The following CLPX variants were observed in gnomAD, a reference collection of about 807,000 sequenced individuals.
CLPX encodes the protein caseinolytic mitochondrial matrix peptidase chaperone subunit X, also known as ATP-dependent clpX-like chaperone, mitochondrial.
Under a neutral mutation model 76.4 loss-of-function variants are expected in CLPX, and 34 were observed. The observed-to-expected ratio is 0.45, with a 90% CI of 0.34 to 0.59. The LOEUF (loss-of-function observed/expected upper bound fraction) is 0.59, where lower values mean the gene tolerates loss of function less well. Ranked by LOEUF, CLPX falls within the 20% of genes least tolerant of loss-of-function variation. The pLI is 0.01. For missense variants in CLPX, 613 were observed against 757.0 expected, an observed-to-expected ratio of 0.81 and a Z score of 2.23; for synonymous variants, 248 against 270.9, an observed-to-expected ratio of 0.92 and a Z score of 0.83.
rs750013219 is a variant in CLPX, at chr15:65,157,930, C to T, written c.893-20G>A. ...TTTTACCTACAAATAGAAACAGTCACTAAAAGTTTACTGAAAATATATTGG... is the reference window on the plus strand; with the variant it reads ...TTTTACCTACAAATAGAAACAGTCATTAAAAGTTTACTGAAAATATATTGG... On this transcript the variant is annotated intron_variant, in intron 7 of 13. Transcript: ENST00000300107. 1 of 1,542,716 alleles carries T rather than the reference C, an allele frequency of 6.5e-7. No individual in the cohort carries two copies. The highest frequency in any genetic ancestry group is 8.7e-7 in the Non-Finnish European group (1 of 1,146,642).
At position 65,149,177 on chromosome 15, in the gene CLPX, A is replaced by C. The variant is rs2087687450; in HGVS notation, c.*1646T>G. The C allele has an allele frequency of 1.3e-5, 2 of 153,712 alleles. No individual in the cohort carries two copies. The highest frequency in any genetic ancestry group is 1.3e-4 in the Admixed American group (2 of 15,524). 9.5% of individuals were successfully genotyped at this position (153,712 alleles called of 1,614,324 possible). On this transcript the variant is annotated 3_prime_UTR_variant, in exon 14 of 14. Coordinates refer to ENST00000300107, the MANE Select transcript of CLPX (RefSeq NM_006660.5). ...GACTGATACTGCATGCTATTTCTAG[A>C]ATTAGATATGTATCTTTCTGGCTGG...
At chr15:65,181,753 T>G (rs200328052) in intron 1 of CLPX, among the ~76,000 whole-genome samples, 1 of 5,070 alleles carries the variant, frequency 2.0e-4, no homozygotes, top group Non-Finnish European at 4.3e-4. Context: ...TGTCGCAAAA[T>G]AAATAAATAA....
At position 65,166,724 on chromosome 15, in the gene CLPX, T is replaced by G. The variant is rs375349202; in HGVS notation, c.420A>C (p.Ala140=). The change falls in exon 4 of 14, where the codon GCA becomes GCC. Residue 140 remains alanine (A), a synonymous_variant. Coordinates refer to ENST00000300107, the MANE Select transcript of CLPX (RefSeq NM_006660.5). ...CHHFFVVLSE[A]DSKKSIIKEP... is the part of the protein sequence containing the mutation. Reference sequence around the variant, plus strand: ...CTTTAATTATGCTTTTCTTTGAGTCTGCTTCAGATAGCACAACAAAAAAAT... The same window carrying G: ...CTTTAATTATGCTTTTCTTTGAGTCGGCTTCAGATAGCACAACAAAAAAAT... The G allele has an allele frequency of 6.2e-7, 1 of 1,614,118 alleles. No homozygotes were observed. Among genetic ancestry groups the G allele is most frequent in the Non-Finnish European group, 8.5e-7 (1 of 1,179,982 alleles).
chr15:65,167,742 G>A (rs1026512151), intron 3 of CLPX, among the ~76,000 whole-genome samples: 2 of 151,108 alleles, frequency 1.3e-5, no homozygotes, highest in Non-Finnish European at 2.9e-5. Context: ...ACAAAAATTA[G>A]CTGGGCGTGG....
At chr15:65,172,494 A>C (rs1187479022) in intron 3 of CLPX, among the ~76,000 whole-genome samples, 7 of 151,992 alleles carry the variant, frequency 4.6e-5, no homozygotes, top group Admixed American at 4.6e-4. Flanking sequence ...TTAGCCGGGC[A>C]TGTTGGCAGG....
intron 1 of CLPX, among the ~76,000 whole-genome samples, chr15:65,182,617 A>G (rs2140654826): frequency 6.6e-6 from 1 of 152,358 alleles, no homozygotes; most frequent in South Asian, 2.1e-4. Context: ...TTCATAGGCC[A>G]AGGAAACGTT....
chr15:65,155,614 G>T, intron 10 of CLPX, 78 bp downstream of exon 10: 2 of 1,188,622 alleles, frequency 1.7e-6, no homozygotes, highest in Non-Finnish European at 2.4e-6. Flanking sequence ...CTGGTAGCCC[G>T]CAGATATGAG....
At chr15:65,171,661 G>A (rs1487439004) in intron 3 of CLPX, among the ~76,000 whole-genome samples, 1 of 152,202 alleles carries the variant, frequency 6.6e-6, no homozygotes, top group East Asian at 1.9e-4. Flanking sequence ...TGAGGCACTA[G>A]TTTACAATTG....
At chr15:65,163,957 G>C (rs2087880477) in intron 5 of CLPX, 72 bp downstream of exon 5, 13 of 1,343,152 alleles carry the variant, frequency 9.7e-6, no homozygotes, top group Admixed American at 1.9e-5. Flanking sequence ...TAAGAAGAAA[G>C]TGAGGAGTTA....
At chr15:65,158,544 G>C in intron 7 of CLPX, 31 bp downstream of exon 7, 1 of 1,548,510 alleles carries the variant, frequency 6.5e-7, no homozygotes. Flanking sequence ...TTTTTAAAAT[G>C]AGTAGTAAAT....
chr15:65,151,856 G>A (rs1401493019), intron 13 of CLPX, among the ~76,000 whole-genome samples: 1 of 152,146 alleles, frequency 6.6e-6, no homozygotes, highest in Admixed American at 6.6e-5. Context: ...GTCAAGCATT[G>A]CATAGTAAAC....
intron 6 of CLPX, among the ~76,000 whole-genome samples, chr15:65,160,011 C>T (rs1048479248): frequency 6.6e-6 from 1 of 152,014 alleles, no homozygotes; most frequent in African/African-American, 2.4e-5. Context: ...CGGGGTTTTG[C>T]CATGTTGCCC....
intron 3 of CLPX, among the ~76,000 whole-genome samples, chr15:65,169,386 C>G (rs1386218620): frequency 6.6e-6 from 1 of 152,086 alleles, no homozygotes; most frequent in Non-Finnish European, 1.5e-5. Flanking sequence ...ACAGGCGTGA[C>G]CCACTGAGGC....
intron 11 of CLPX, 52 bp from the exon 12 acceptor site, chr15:65,153,691 C>A: frequency 2.7e-6 from 3 of 1,093,356 alleles, no homozygotes; most frequent in East Asian, 2.8e-5. Context: ...TTTGTACCAC[C>A]AGAAAATGTA....
chr15:65,176,040 T>G (rs940528055), intron 3 of CLPX, among the ~76,000 whole-genome samples: 2 of 152,216 alleles, frequency 1.3e-5, no homozygotes, highest in Admixed American at 1.3e-4. Flanking sequence ...TTTTTCATTC[T>G]TTCCTTCTAC....
intron 12 of CLPX, 118 bp downstream of exon 12, chr15:65,153,429 A>AT: frequency 1.4e-6 from 1 of 690,218 alleles, no homozygotes; most frequent in Non-Finnish European, 2.5e-6. Flanking sequence ...GCACTCCTTT[A>AT]TTTGAGACTC....
chr15:65,171,096 C>T (rs1467809833), intron 3 of CLPX, among the ~76,000 whole-genome samples: 1 of 151,904 alleles, frequency 6.6e-6, no homozygotes, highest in Non-Finnish European at 1.5e-5. Flanking sequence ...GCTGGGATTA[C>T]AGGCATGAGC....
In CLPX at chr15:65,157,857, T is replaced by C. The variant is rs745930831; in HGVS notation, c.946A>G (p.Ile316Val). 3.2e-5 allele frequency: 52 copies of C among 1,613,372 alleles called. 1 individual carries two copies. In the Admixed American group the frequency reaches 8.7e-4, roughly 27 times the overall value. The part of the protein sequence containing the change: ...LAKCLDVPFA[I>V]CDCTTLTQAG... ...TGAGTCAAAGTTGTACAGTCACAGA[T>C]AGCAAAAGGGACATCAAGGCATTTA... Residue 316 changes from isoleucine to valine, a missense_variant, in exon 8 of 14, where the codon ATC becomes GTC. Coordinates refer to ENST00000300107, the MANE Select transcript of CLPX (RefSeq NM_006660.5).
intron 3 of CLPX, among the ~76,000 whole-genome samples, chr15:65,178,547 C>T (rs2140648534): frequency 6.6e-6 from 1 of 152,102 alleles, no homozygotes; most frequent in Middle Eastern, 3.4e-3. Context: ...TATTTCTACA[C>T]ATTTAATACA....
Sources: allele counts gnomAD v4.1 joint callset (sites outside exome capture counted in the v4.1 genomes callset), GRCh38; gene constraint gnomAD v4.1.1; transcripts MANE v1.5; gene names NCBI Gene and HGNC (gene_info 2026-07-23, HGNC 2026-07-21).